Variants in PARP1 observed in about 807,000 individuals in gnomAD.
PARP1 encodes the protein poly [ADP-ribose] polymerase 1.
Under a neutral mutation model 118.7 loss-of-function variants are expected in PARP1, and 44 were observed. The observed-to-expected ratio is 0.37, with a 90% CI of 0.29 to 0.48. The LOEUF (loss-of-function observed/expected upper bound fraction) is 0.48, where lower values mean the gene tolerates loss of function less well. PARP1 is among the 20% of genes least tolerant of loss of function. PARP1 has a pLI of 0.99. For missense variants in PARP1, 1,100 were observed against 1,272.4 expected (o/e 0.86, Z 2.06); for synonymous variants, 492 against 483.2 (o/e 1.02, Z -0.24).
In PARP1 at chr1:226,377,333, CAT is replaced by C. The variant is rs3219089; in HGVS notation, c.1746-32_1746-31del. 8.5e-4 allele frequency: 1,326 copies of C among 1,565,276 alleles called. 1 individual carries two copies. The highest frequency in any genetic ancestry group is 1.1e-3 in the Non-Finnish European group (1,227 of 1,135,660). Reference sequence around the variant, plus strand: ...AGTGGGAAGGAGGGTGTCAGATACACATGTGTGGGTCAGCTGTCCCATTTCAG... The same window carrying C: ...AGTGGGAAGGAGGGTGTCAGATACACGTGTGGGTCAGCTGTCCCATTTCAG... On this transcript the variant is annotated intron_variant, in intron 12 of 22. Transcript: ENST00000366794.
intron 19 of PARP1, 35 bp from the exon 20 acceptor site, chr1:226,364,105 C>T (rs1468959446): frequency 3.1e-6 from 5 of 1,611,776 alleles, no homozygotes; most frequent in Non-Finnish European, 4.2e-6. Flanking sequence ...TGAGAATCTT[C>T]TGATGGGAAA....
At chr1:226,399,287 G>A (rs566544452) in intron 2 of PARP1, among the ~76,000 whole-genome samples, 1 of 152,018 alleles carries the variant, frequency 6.6e-6, no homozygotes, top group African/African-American at 2.4e-5. Flanking sequence ...GGCCAGGCTG[G>A]TCTCGAACTC....
rs767944519 is a variant in PARP1 at position 226,388,720 on chromosome 1, T to TCATCCACTC, written c.644_652dup (p.Gly215_Asp217dup). On this transcript the variant is annotated inframe_insertion, in exon 5 of 23. Coordinates refer to ENST00000366794, the MANE Select transcript of PARP1 (RefSeq NM_001618.4). Reference sequence around the variant, plus strand: ...TTTTTTAGATTTCTTCTTCGCCACTTCATCCACTCCATCCACCTCATCGCC... The same window carrying TCATCCACTC: ...TTTTTTAGATTTCTTCTTCGCCACTTCATCCACTCCATCCACTCCATCCACCTCATCGCC... 7.4e-6 allele frequency: 12 copies of TCATCCACTC among 1,614,096 alleles called. No homozygotes were observed. The South Asian group carries it at 1.3e-4, about 18-fold the overall frequency.
chr1:226,380,454 T>A (rs1488845709), intron 9 of PARP1, among the ~76,000 whole-genome samples: 1 of 152,238 alleles, frequency 6.6e-6, no homozygotes, highest in Non-Finnish European at 1.5e-5. Context: ...TCCTGTATTC[T>A]ATTTCTCTGG....
At chr1:226,404,964 T>A (rs1168953513) in intron 1 of PARP1, among the ~76,000 whole-genome samples, 2 of 152,132 alleles carry the variant, frequency 1.3e-5, no homozygotes, top group Non-Finnish European at 2.9e-5. Context: ...CTCAAAGGTC[T>A]ACCGCCATCC....
chr1:226,406,768 C>T (rs1156987836), intron 1 of PARP1, among the ~76,000 whole-genome samples: 1 of 152,188 alleles, frequency 6.6e-6, no homozygotes, highest in African/African-American at 2.4e-5. Flanking sequence ...AGATGACAGG[C>T]ATATTGTGAA....
intron 2 of PARP1, among the ~76,000 whole-genome samples, chr1:226,396,171 C>T (rs1347665451): frequency 6.6e-6 from 1 of 152,022 alleles, no homozygotes; most frequent in African/African-American, 2.4e-5. Context: ...CACAGTGAAA[C>T]CCCATCTCTA....
rs761791731 is a variant in PARP1, at chr1:226,383,038, G to A, written c.1157C>T (p.Ala386Val). ...APAAVNSSAS[A>V]DKPLSNMKIL... ...GACCGGGGTCCCAAATGCTGTACCTGCTGAAGCAGAGGAGTTCACAGCAGC... is the reference window on the plus strand; with the variant it reads ...GACCGGGGTCCCAAATGCTGTACCTACTGAAGCAGAGGAGTTCACAGCAGC... The change falls in exon 8 of 23, where the codon GCA becomes GTA. Residue 386 changes from alanine to valine, a missense_variant and splice_region_variant. Around this residue, in one of 2 missense-constraint regions of PARP1, gnomAD observed 948 missense variants for 1,031.8 expected, o/e 0.92. Transcript: ENST00000366794. 3.1e-6 allele frequency: 5 copies of A among 1,612,796 alleles called. No individual in the cohort carries two copies. In the South Asian group the frequency reaches 5.5e-5, roughly 18 times the overall value.
chr1:226,373,794 C>T (rs966553465), intron 14 of PARP1, among the ~76,000 whole-genome samples: 3 of 152,160 alleles, frequency 2.0e-5, no homozygotes, highest in Non-Finnish European at 2.9e-5. Flanking sequence ...ATGGCTAATA[C>T]ACCTTGCCAC....
rs1339302801 is a variant in PARP1, at chr1:226,407,920, A to G, written c.10T>C (p.Ser4Pro). 5.0e-6 allele frequency: 8 copies of G among 1,611,936 alleles called. No individual in the cohort carries two copies. The Admixed American group carries it at 1.3e-4, about 27-fold the overall frequency. Residue 4 changes from serine (S) to proline (P), a missense_variant, in exon 1 of 23, where the codon TCT becomes CCT. Ser to Pro is a moderately conservative substitution (Grantham distance 74, BLOSUM62 -1). Coordinates refer to ENST00000366794, the MANE Select transcript of PARP1 (RefSeq NM_001618.4). MAE[S>P]SDKLYRVEYA... ...TCGACTCGATAGAGCTTATCCGAAG[A>G]CTCCGCCATCCTCCCCTAGCTGCCG...
intron 2 of PARP1, among the ~76,000 whole-genome samples, chr1:226,393,191 C>CA (rs1186866622): frequency 4.6e-5 from 7 of 152,108 alleles, no homozygotes; most frequent in Non-Finnish European, 7.4e-5. Flanking sequence ...CTAATACTAG[C>CA]AATAAACATA....
chr1:226,385,299 A>G (rs1396825336), intron 7 of PARP1, among the ~76,000 whole-genome samples: 1 of 152,156 alleles, frequency 6.6e-6, no homozygotes, highest in African/African-American at 2.4e-5. Flanking sequence ...ATGGACCTCT[A>G]CTCCATACTT....
intron 16 of PARP1, among the ~76,000 whole-genome samples, 180 bp from the exon 17 acceptor site, chr1:226,367,788 G>T (rs2102728588): frequency 6.6e-6 from 1 of 152,208 alleles, no homozygotes; most frequent in East Asian, 1.9e-4. Context: ...GGACTTTCTG[G>T]AATGTTAACA....
Position 226,377,260 on chromosome 1 carries a change from C to T in PARP1, c.1789G>A (p.Gly597Ser), listed in dbSNP as rs1352340038. 15 of 1,613,882 alleles carry T rather than the reference C, an allele frequency of 9.3e-6. No homozygotes were observed. Among genetic ancestry groups the T allele is most frequent in the South Asian group, 1.1e-5 (1 of 91,064 alleles). Residue 597 changes from glycine to serine, a missense_variant, in exon 13 of 23, where the codon GGT (glycine) becomes AGT (serine). Physicochemically the swap from Gly to Ser is moderately conservative, Grantham distance 56. Transcript: ENST00000366794. Reference sequence around the variant, plus strand: ...GGCATCTGTTCCAGTTTGTTGCTACCGATCACCGTACCCACACGGCCCCAG... The same window carrying T: ...GGCATCTGTTCCAGTTTGTTGCTACTGATCACCGTACCCACACGGCCCCAG... ...RSWGRVGTVIGSNKLEQMPSK... is the reference protein window; with the variant it reads ...RSWGRVGTVISSNKLEQMPSK...
At chr1:226,362,201 T>G in intron 21 of PARP1, 118 bp from the exon 22 acceptor site, 1 of 670,070 alleles carries the variant, frequency 1.5e-6, no homozygotes, top group South Asian at 1.6e-5. Context: ...TTTTTTTTCC[T>G]TTTTGAGATG....
At chr1:226,393,689 T>C (rs1664860235) in intron 2 of PARP1, among the ~76,000 whole-genome samples, 1 of 152,134 alleles carries the variant, frequency 6.6e-6, no homozygotes, top group Non-Finnish European at 1.5e-5. Flanking sequence ...AGAACAGTGG[T>C]TACCTGAGTC....
chr1:226,383,951 C>T (rs1224000701), intron 7 of PARP1, among the ~76,000 whole-genome samples: 1 of 152,216 alleles, frequency 6.6e-6, no homozygotes, highest in South Asian at 2.1e-4. Flanking sequence ...GTGCTACCAA[C>T]CATAGTCTGG....
chr1:226,365,213 C>T, intron 18 of PARP1, 59 bp from the exon 19 acceptor site: 2 of 1,575,824 alleles, frequency 1.3e-6, no homozygotes, highest in Non-Finnish European at 1.7e-6. Flanking sequence ...CTCTGGTTGA[C>T]TGAAAGACAG....
At chr1:226,368,376 C>T (rs984426999) in intron 15 of PARP1, 55 bp from the exon 16 acceptor site, 13 of 1,612,540 alleles carry the variant, frequency 8.1e-6, no homozygotes, top group African/African-American at 5.3e-5. Flanking sequence ...TCCAAGCCCC[C>T]GGCCAGGCTT....
Sources: gnomAD v4.1 joint callset for allele counts (sites outside exome capture counted in the v4.1 genomes callset) on GRCh38, gnomAD v4.1.1 for gene constraint, gnomAD v4.1.1 regional missense constraint, MANE v1.5 for transcripts, NCBI Gene and HGNC (gene_info 2026-07-23, HGNC 2026-07-21) for gene names.